ACTR3C: variants seen among roughly 807,000 people sequenced by gnomAD.
The protein encoded by ACTR3C is actin-related protein 3C.
In ACTR3C, 18 loss-of-function variants were observed where a neutral mutation model predicts 26.3. That is an observed-to-expected ratio of 0.68 (90% CI 0.47 to 1.01). ACTR3C has a LOEUF of 1.01. Among genes scored for constraint, ACTR3C ranks in the 50% least tolerant of loss-of-function variants. The pLI, the probability that ACTR3C is intolerant of heterozygous loss-of-function variation, is 0.00. For missense variants in ACTR3C, 184 were observed against 250.7 expected, an observed-to-expected ratio of 0.73 and a Z score of 1.80; for synonymous variants, 55 against 94.5, an observed-to-expected ratio of 0.58 and a Z score of 2.42.
chr7:149,907,481 T>TTCTCTCTC, the ACTR3C span, among the ~76,000 whole-genome samples: 1 of 115,030 alleles, frequency 8.7e-6, no homozygotes, highest in Non-Finnish European at 1.6e-5. Flanking sequence ...TCTTCTCTTC[T>TTCTCTCTC]CTCTCTCTCT....
chr7:149,937,793 G>A, the ACTR3C span, among the ~76,000 whole-genome samples: 50 of 152,172 alleles, frequency 3.3e-4, no homozygotes, highest in Non-Finnish European at 7.4e-4. Flanking sequence ...TATGCAGGAA[G>A]GTTGAAAGTC....
chr7:149,902,069 A>G, the ACTR3C span, among the ~76,000 whole-genome samples: 1 of 152,140 alleles, frequency 6.6e-6, no homozygotes, highest in African/African-American at 2.4e-5. Flanking sequence ...TCTGAGGGCA[A>G]TCTAAGGAAG....
the ACTR3C span, among the ~76,000 whole-genome samples, chr7:149,932,682 G>A: frequency 6.6e-6 from 1 of 150,588 alleles, no homozygotes; most frequent in South Asian, 2.2e-4. Flanking sequence ...AAGGAGGGAG[G>A]GAGCGGGGGA....
At chr7:150,321,236 T>G (rs777564797) in intron 1 of ACTR3C, among the ~76,000 whole-genome samples, 2 of 152,258 alleles carry the variant, frequency 1.3e-5, no homozygotes, top group Non-Finnish European at 2.9e-5. Context: ...TTGTATTTGA[T>G]GTTAAGCCTG....
chr7:149,940,539 G>A, the ACTR3C span, among the ~76,000 whole-genome samples: 2 of 152,154 alleles, frequency 1.3e-5, no homozygotes, highest in South Asian at 2.1e-4. Context: ...CCCTGGTCAG[G>A]GCTGCCCCTA....
chr7:150,260,728 C>T (rs1400018689), intron 6 of ACTR3C, among the ~76,000 whole-genome samples: 1 of 152,150 alleles, frequency 6.6e-6, no homozygotes, highest in Non-Finnish European at 1.5e-5. Flanking sequence ...GCTGTGCTTA[C>T]CATCATTACG....
the ACTR3C span, among the ~76,000 whole-genome samples, chr7:150,171,040 G>A: frequency 1.5e-5 from 2 of 135,118 alleles, no homozygotes; most frequent in Non-Finnish European, 3.0e-5. Context: ...GCTATAGACT[G>A]TCATACCTCT....
chr7:150,111,892 G>A, the ACTR3C span, among the ~76,000 whole-genome samples: 2 of 151,438 alleles, frequency 1.3e-5, no homozygotes, highest in East Asian at 4.0e-4. Context: ...CACCACTCCC[G>A]GCGCGCTGGC....
chr7:150,135,129 A>G, the ACTR3C span, among the ~76,000 whole-genome samples: 8 of 152,354 alleles, frequency 5.3e-5, no homozygotes, highest in South Asian at 1.0e-3. Context: ...AAAATTAGCC[A>G]GGCGTGGTGG....
At chr7:150,309,721 G>A (rs1038068497) in intron 1 of ACTR3C, among the ~76,000 whole-genome samples, 5 of 152,116 alleles carry the variant, frequency 3.3e-5, no homozygotes, top group Admixed American at 2.0e-4. Context: ...ACTGGAAATC[G>A]GACTGTCCAA....
downstream of ACTR3C, among the ~76,000 whole-genome samples, chr7:150,242,285 AAC>A (rs1832231114): frequency 6.6e-6 from 1 of 151,022 alleles, no homozygotes; most frequent in Non-Finnish European, 1.5e-5. Flanking sequence ...TTGACTGAAA[AAC>A]AGAGGGCAAC....
chr7:149,959,149 G>A, the ACTR3C span, among the ~76,000 whole-genome samples: 3 of 152,160 alleles, frequency 2.0e-5, no homozygotes, highest in Non-Finnish European at 4.4e-5. Context: ...CATTCCCTGA[G>A]CACTTTCTTC....
At chr7:150,034,302 G>A in the ACTR3C span, among the ~76,000 whole-genome samples, 1 of 151,614 alleles carries the variant, frequency 6.6e-6, no homozygotes, top group Non-Finnish European at 1.5e-5. Context: ...CCTCAGCCAG[G>A]GCCCCACAGT....
the ACTR3C span, among the ~76,000 whole-genome samples, chr7:150,037,634 T>C: frequency 1.1e-5 from 1 of 93,662 alleles, no homozygotes; most frequent in Non-Finnish European, 2.2e-5. Flanking sequence ...GTCGGAAGAT[T>C]TGAACTTTCT....
At chr7:149,971,038 C>A in the ACTR3C span, among the ~76,000 whole-genome samples, 1 of 152,204 alleles carries the variant, frequency 6.6e-6, no homozygotes, top group Admixed American at 6.5e-5. Flanking sequence ...ACAAAGCTGG[C>A]AAACACTTGT....
At chr7:150,292,644 T>C (rs975311038) in intron 3 of ACTR3C, among the ~76,000 whole-genome samples, 1 of 152,002 alleles carries the variant, frequency 6.6e-6, no homozygotes, top group Non-Finnish European at 1.5e-5. Flanking sequence ...GGGACAGGCA[T>C]GCGCCACCAC....
At chr7:150,122,335 C>A in the ACTR3C span, among the ~76,000 whole-genome samples, 1 of 152,144 alleles carries the variant, frequency 6.6e-6, no homozygotes, top group African/African-American at 2.4e-5. Context: ...TTTTTGTAAT[C>A]TATCCATCTG....
the ACTR3C span, among the ~76,000 whole-genome samples, chr7:150,198,759 G>C: frequency 4.1e-5 from 6 of 147,778 alleles, no homozygotes; most frequent in South Asian, 2.1e-4. Flanking sequence ...AGGTGGGGGG[G>C]GGTCAGCCCC....
chr7:150,252,500 G>A (rs536648405), intron 6 of ACTR3C, among the ~76,000 whole-genome samples: 2 of 152,098 alleles, frequency 1.3e-5, no homozygotes, highest in Non-Finnish European at 2.9e-5. Context: ...GTCAGAGAAA[G>A]GGCTGTTTAT....
Sources: allele counts gnomAD v4.1 joint callset (sites outside exome capture counted in the v4.1 genomes callset), GRCh38; gene constraint gnomAD v4.1.1; transcripts MANE v1.5; gene names NCBI Gene and HGNC (gene_info 2026-07-23, HGNC 2026-07-21).